The following BRI3BP variants were observed in gnomAD, a reference collection of about 807,000 sequenced individuals.
BRI3BP encodes BRI3 binding protein.
In BRI3BP, 7 loss-of-function variants were observed where a neutral mutation model predicts 15.8. That is an observed-to-expected ratio of 0.44 (90% CI 0.25 to 0.83). The LOEUF (loss-of-function observed/expected upper bound fraction) is 0.83, where lower values mean the gene tolerates loss of function less well. BRI3BP is among the 40% of genes least tolerant of loss of function. The probability of loss-of-function intolerance (pLI) is 0.20; values close to 1 mark genes in which losing one functional copy is unlikely to be tolerated. For synonymous variants in BRI3BP, 192 were observed against 163.5 expected (o/e 1.17, Z -1.33); for missense variants, 320 against 339.3 (o/e 0.94, Z 0.45).
Position 125,025,548 on chromosome 12 carries a change from G to A in BRI3BP, c.*118G>A. On this transcript the variant is annotated 3_prime_UTR_variant, in exon 3 of 3. Transcript: ENST00000341446. ...ATAAACACGACTGAGCAAGAAAGTG[G>A]CGCTGTGTAGGGCTATTTCCACCCA... 1 of 1,116,426 alleles carries A rather than the reference G, an allele frequency of 9.0e-7. No homozygotes were observed. Among genetic ancestry groups the A allele is most frequent in the Non-Finnish European group, 1.2e-6 (1 of 809,356 alleles). The allele number at this position is 1,116,426 out of a possible 1,614,324, so 69.2% of individuals were successfully genotyped here. A position where few individuals can be genotyped will look rare whatever the true frequency, so the allele number is the denominator to read the frequency against.
chr12:124,993,938 G>A lies in BRI3BP; in HGVS notation c.148G>A (p.Val50Ile), dbSNP rs201159653. ...GGAGAAGAACAGCTACCGCCGCACG[G>A]TCAACACCTTCTCCCAGAGCGTCAG... ...GAEKNSYRRT[V>I]NTFSQSVSSL... is the part of the protein sequence containing the mutation. The change falls in exon 1 of 3, where the codon GTC (valine) becomes ATC (isoleucine). Residue 50 changes from valine to isoleucine, a missense_variant. By Grantham distance (29) the Val-to-Ile change is conservative. Transcript: ENST00000341446. The A allele has an allele frequency of 2.1e-5, 28 of 1,365,008 alleles. No individual in the cohort carries two copies. The East Asian group carries it at 8.4e-4, about 41-fold the overall frequency. 84.6% of individuals were successfully genotyped at this position (1,365,008 alleles called of 1,614,324 possible).
chr12:125,011,567 A>G (rs1414056849), intron 1 of BRI3BP, among the ~76,000 whole-genome samples: 4 of 152,126 alleles, frequency 2.6e-5, no homozygotes, highest in African/African-American at 9.7e-5. Flanking sequence ...TGCAGAAAGA[A>G]TATGTCTGTG....
At chr12:125,002,512 A>G (rs1390518301) in intron 1 of BRI3BP, among the ~76,000 whole-genome samples, 3 of 145,936 alleles carry the variant, frequency 2.1e-5, no homozygotes, top group Non-Finnish European at 4.5e-5. Context: ...GCTGGAGTGC[A>G]GTGGCACAAT....
the BRI3BP span, among the ~76,000 whole-genome samples, chr12:125,045,593 A>G: frequency 6.6e-6 from 1 of 152,148 alleles, no homozygotes; most frequent in Non-Finnish European, 1.5e-5. Context: ...AGGTCTCCCA[A>G]AGTGCTGGGA....
intron 2 of BRI3BP, among the ~76,000 whole-genome samples, chr12:125,013,834 T>G (rs1955217148): frequency 6.6e-6 from 1 of 152,126 alleles, no homozygotes; most frequent in Non-Finnish European, 1.5e-5. Flanking sequence ...GGCCCCTCCC[T>G]TTCTACATGT....
rs748384280 is a variant in BRI3BP at position 124,993,951 on chromosome 12, C to T, written c.161C>T (p.Ser54Phe). ...NSYRRTVNTFSQSVSSLFGED... is the reference protein window; with the variant it reads ...NSYRRTVNTFFQSVSSLFGED... ...TACCGCCGCACGGTCAACACCTTCT[C>T]CCAGAGCGTCAGCAGCCTGTTCGGC... is the stretch of plus-strand genomic sequence containing the variant. Residue 54 changes from serine (S) to phenylalanine (F), a missense_variant, in exon 1 of 3, where the codon TCC becomes TTC. Ser to Phe is a radical substitution (Grantham distance 155). Transcript: ENST00000341446. The T allele has an allele frequency of 1.1e-5, 15 of 1,371,200 alleles. No homozygotes were observed. Among genetic ancestry groups the T allele is most frequent in the Admixed American group, 2.6e-5 (1 of 37,738 alleles). 84.9% of individuals were successfully genotyped at this position (1,371,200 alleles called of 1,614,324 possible). A position where few individuals can be genotyped will look rare whatever the true frequency, so the allele number is the denominator to read the frequency against.
chr12:125,042,649 C>G, the BRI3BP span, among the ~76,000 whole-genome samples: 22 of 152,196 alleles, frequency 1.4e-4, no homozygotes, highest in African/African-American at 4.1e-4. Flanking sequence ...ATTCTCCTGC[C>G]TCAGCCTCCC....
At chr12:125,000,668 A>G (rs1031353462) in intron 1 of BRI3BP, among the ~76,000 whole-genome samples, 1 of 152,208 alleles carries the variant, frequency 6.6e-6, no homozygotes, top group East Asian at 1.9e-4. Context: ...TGCTGAAAGA[A>G]CAGAACAAGG....
chr12:125,034,474 C>A (rs1955428581), downstream of BRI3BP, among the ~76,000 whole-genome samples: 1 of 152,202 alleles, frequency 6.6e-6, no homozygotes, highest in South Asian at 2.1e-4. Flanking sequence ...ATCAAACTTG[C>A]CACAATCAAA....
intron 1 of BRI3BP, among the ~76,000 whole-genome samples, chr12:124,997,863 G>T (rs1171334281): frequency 6.6e-6 from 1 of 151,806 alleles, no homozygotes; most frequent in Non-Finnish European, 1.5e-5. Flanking sequence ...GGTGGCTCAC[G>T]CCTGTAATCC....
chr12:125,022,684 G>A (rs1955311412), intron 2 of BRI3BP, among the ~76,000 whole-genome samples: 1 of 151,754 alleles, frequency 6.6e-6, no homozygotes, highest in Admixed American at 6.6e-5. Context: ...GCGCCACCAC[G>A]CCCAGCTAAT....
At chr12:124,998,049 G>A (rs1381800806) in intron 1 of BRI3BP, among the ~76,000 whole-genome samples, 6 of 151,956 alleles carry the variant, frequency 3.9e-5, no homozygotes, top group African/African-American at 7.3e-5. Context: ...GCTTGAACCC[G>A]GGAGGCGGCC....
At chr12:125,010,449 C>G (rs1955187417) in intron 1 of BRI3BP, among the ~76,000 whole-genome samples, 1 of 152,126 alleles carries the variant, frequency 6.6e-6, no homozygotes, top group Admixed American at 6.6e-5. Flanking sequence ...TCTCCTCTGT[C>G]CTGTAGGAAC....
In BRI3BP at chr12:125,029,721, G is replaced by T. The variant is rs1955392848; in HGVS notation, c.*4291G>T. 1 of 152,106 alleles carries T rather than the reference G, an allele frequency of 6.6e-6. No homozygotes were observed. The highest frequency in any genetic ancestry group is 1.5e-5 in the Non-Finnish European group (1 of 68,018). The allele number at this position is 152,106 out of a possible 1,614,324, so 9.4% of individuals were successfully genotyped here. A position where few individuals can be genotyped will look rare whatever the true frequency, so the allele number is the denominator to read the frequency against. ...GAAGCAGACCTTGTGAATCGTGCCT[G>T]TGTCTTAATTCACAAAGGGTAAGTG... On this transcript the variant is annotated 3_prime_UTR_variant, in exon 3 of 3. Coordinates refer to ENST00000341446, the MANE Select transcript of BRI3BP (RefSeq NM_080626.6).
At chr12:125,014,557 TC>T (rs897017771) in intron 2 of BRI3BP, among the ~76,000 whole-genome samples, 2 of 152,074 alleles carry the variant, frequency 1.3e-5, no homozygotes, top group African/African-American at 4.8e-5. Flanking sequence ...CACACTTAAT[TC>T]CCCCAGCAGA....
rs1220190538 is a variant in BRI3BP at position 125,029,375 on chromosome 12, A to T, written c.*3945A>T. On this transcript the variant is annotated 3_prime_UTR_variant, in exon 3 of 3. Transcript: ENST00000341446. The stretch of plus-strand genomic sequence containing the variant: ...CCAAAAAATACAAAAAAAAAAAAAA[A>T]AAAAAAAATAGCCAGGTGTGGTGGT... 3 of 149,774 alleles carry T rather than the reference A, an allele frequency of 2.0e-5. No homozygotes were observed. The highest frequency in any genetic ancestry group is 4.5e-5 in the Non-Finnish European group (3 of 67,410). The allele number at this position is 149,774 out of a possible 1,614,324, so 9.3% of individuals were successfully genotyped here.
Position 124,997,202 on chromosome 12 carries a change from T to G in BRI3BP, c.213+3199T>G, listed in dbSNP as rs552586559. On this transcript the variant is annotated intron_variant, in intron 1 of 2. Transcript: ENST00000341446. ...AGTTGCTTTACTTCTCTTTTTTTTTTGCTTTACTTCTCTTTTTTTTTTTTT... is the reference window on the plus strand; with the variant it reads ...AGTTGCTTTACTTCTCTTTTTTTTTGGCTTTACTTCTCTTTTTTTTTTTTT... 7.7e-5 allele frequency among the ~76,000 whole-genome samples: 10 copies of G among 129,438 alleles called. No individual in the cohort carries two copies. The South Asian group carries it at 2.4e-3, about 31-fold the overall frequency. 84.9% of individuals were successfully genotyped at this position (129,438 alleles called of 152,430 possible). A position where few individuals can be genotyped will look rare whatever the true frequency, so the allele number is the denominator to read the frequency against.
chr12:125,009,439 A>G (rs1041600196), intron 1 of BRI3BP, among the ~76,000 whole-genome samples: 3 of 151,588 alleles, frequency 2.0e-5, no homozygotes, highest in African/African-American at 7.3e-5. Flanking sequence ...ACAGGCGTGC[A>G]CCACCACGCC....
intron 2 of BRI3BP, 105 bp downstream of exon 2, chr12:125,012,741 G>A (rs1041504850): frequency 1.1e-6 from 1 of 897,122 alleles, no homozygotes; most frequent in Non-Finnish European, 1.9e-6. Flanking sequence ...GGTTGCGGAG[G>A]GCTGGTCAGT....
Sources: allele counts gnomAD v4.1 joint callset (sites outside exome capture counted in the v4.1 genomes callset), GRCh38; gene constraint gnomAD v4.1.1; transcripts MANE v1.5; gene names NCBI Gene and HGNC (gene_info 2026-07-23, HGNC 2026-07-21).